COXFA4L2: variants seen among roughly 807,000 people sequenced by gnomAD.
COXFA4L2 encodes the protein cytochrome c oxidase hypoxia associated subunit FA4L2.
chr12:57,235,945 T>C, the COXFA4L2 span: 5 of 617,752 alleles, frequency 8.1e-6, no homozygotes, highest in South Asian at 1.5e-4. Flanking sequence ...GGGGGTCCCA[T>C]TTCCCAGATA....
At chr12:57,237,296 T>C in the COXFA4L2 span, 3 of 1,432,634 alleles carry the variant, frequency 2.1e-6, no homozygotes, top group Non-Finnish European at 2.7e-6. Flanking sequence ...GGGAGCCAAG[T>C]GGTTTCTGCT....
At chr12:57,235,633 G>C in the COXFA4L2 span, 1 of 1,614,144 alleles carries the variant, frequency 6.2e-7, no homozygotes, top group Non-Finnish European at 8.5e-7. Context: ...AGAGGAGAGG[G>C]AAAGGGGGTT....
the COXFA4L2 span, among the ~76,000 whole-genome samples, chr12:57,238,786 G>A: frequency 6.6e-6 from 1 of 152,024 alleles, no homozygotes; most frequent in African/African-American, 2.4e-5. This position sits in a 1 kb window ranked among gnomAD's most constrained non-coding sequence, Gnocchi z 6.8. Context: ...CCGGCCTTGG[G>A]CCTCCGCCCC....
At chr12:57,236,438 G>C in the COXFA4L2 span, 2 of 603,280 alleles carry the variant, frequency 3.3e-6, no homozygotes. Flanking sequence ...GGATACGGGG[G>C]TCTCCCAGGT....
chr12:57,236,851 C>G, the COXFA4L2 span, among the ~76,000 whole-genome samples: 18 of 151,796 alleles, frequency 1.2e-4, no homozygotes, highest in Non-Finnish European at 2.4e-4. Flanking sequence ...CTACAGCGAT[C>G]GTGTCCAAGG....
the COXFA4L2 span, chr12:57,235,575 C>T: frequency 6.2e-7 from 1 of 1,613,746 alleles, no homozygotes. Flanking sequence ...AGAAGTCTGG[C>T]CGGTCCTTCT....
the COXFA4L2 span, among the ~76,000 whole-genome samples, chr12:57,238,338 G>A: frequency 1.3e-5 from 2 of 152,116 alleles, no homozygotes; most frequent in Non-Finnish European, 2.9e-5. This position sits in a 1 kb window ranked among gnomAD's most constrained non-coding sequence, Gnocchi z 6.8. Flanking sequence ...GCCTCACTCC[G>A]GCGGATAATG....
the COXFA4L2 span, chr12:57,235,378 C>A: frequency 3.0e-6 from 2 of 671,022 alleles, no homozygotes; most frequent in East Asian, 2.6e-5. Context: ...GAGGCGCTTC[C>A]GCTGCTGGGA....
chr12:57,235,324 T>C, the COXFA4L2 span: 1 of 593,400 alleles, frequency 1.7e-6, no homozygotes. Context: ...CTGCTGGTGC[T>C]GCCTGCCTCC....
At chr12:57,235,626 G>A in the COXFA4L2 span, 1 of 1,614,188 alleles carries the variant, frequency 6.2e-7, no homozygotes, top group African/African-American at 1.3e-5. Context: ...GGAACTAAGA[G>A]GAGAGGGAAA....
At chr12:57,235,646 G>A in the COXFA4L2 span, 1,868 of 1,613,772 alleles carry the variant, frequency 1.2e-3, 31 homozygotes, top group South Asian at 0.019. Context: ...AGGGGGTTGC[G>A]CTGAGTACCC....
the COXFA4L2 span, chr12:57,235,467 TG>T: frequency 7.5e-7 from 1 of 1,325,422 alleles, no homozygotes; most frequent in Non-Finnish European, 1.1e-6. Context: ...CGGGACAGGG[TG>T]GCCGGAGTGA....
At chr12:57,235,644 G>A in the COXFA4L2 span, 10 of 1,613,916 alleles carry the variant, frequency 6.2e-6, no homozygotes, top group Admixed American at 1.7e-4. Context: ...AAAGGGGGTT[G>A]CGCTGAGTAC....
At chr12:57,239,319 T>C in the COXFA4L2 span, among the ~76,000 whole-genome samples, 4 of 152,200 alleles carry the variant, frequency 2.6e-5, no homozygotes, top group Non-Finnish European at 5.9e-5. This position sits in a 1 kb window ranked among gnomAD's most constrained non-coding sequence, Gnocchi z 5.5. Flanking sequence ...TTCGGGCCGC[T>C]AAGTTGGTGC....
the COXFA4L2 span, chr12:57,235,936 G>T: frequency 4.2e-5 from 30 of 706,160 alleles, 1 homozygote; most frequent in African/African-American, 3.6e-4. Context: ...TCCTGCCCTG[G>T]GGGTCCCATT....
the COXFA4L2 span, chr12:57,236,204 C>T: frequency 1.2e-5 from 4 of 325,416 alleles, no homozygotes; most frequent in Non-Finnish European, 2.2e-5. Context: ...GGACCCTCTC[C>T]GCGGCCGGGT....
chr12:57,236,852 G>A, the COXFA4L2 span, among the ~76,000 whole-genome samples: 1 of 151,836 alleles, frequency 6.6e-6, no homozygotes, highest in Non-Finnish European at 1.5e-5. Context: ...TACAGCGATC[G>A]TGTCCAAGGT....
chr12:57,235,828 G>A, the COXFA4L2 span: 2 of 1,520,056 alleles, frequency 1.3e-6, no homozygotes, highest in Non-Finnish European at 1.8e-6. Context: ...CAGGAGGGGG[G>A]AGGGTTAGGG....
At chr12:57,239,247 A>C in the COXFA4L2 span, among the ~76,000 whole-genome samples, 11 of 152,284 alleles carry the variant, frequency 7.2e-5, no homozygotes, top group African/African-American at 2.4e-4. This position sits in a 1 kb window ranked among gnomAD's most constrained non-coding sequence, Gnocchi z 5.5. Context: ...AGCGGCCCCC[A>C]AGCTCGGGGA....
Sources: gnomAD v4.1 joint callset for allele counts (sites outside exome capture counted in the v4.1 genomes callset) on GRCh38, gnomAD v4.1.1 for gene constraint, Gnocchi (gnomAD v3.1) non-coding constraint, MANE v1.5 for transcripts, NCBI Gene and HGNC (gene_info 2026-07-23, HGNC 2026-07-21) for gene names.